The following NCKAP1 variants were observed in gnomAD, a reference collection of about 807,000 sequenced individuals.
NCKAP1 encodes nck-associated protein 1.
A neutral mutation model predicts 151.2 loss-of-function variants in NCKAP1; 21 were observed. The ratio of observed to expected loss-of-function variants is 0.14; its 90% CI spans 0.10 to 0.20. The LOEUF (loss-of-function observed/expected upper bound fraction) is 0.20, where lower values mean the gene tolerates loss of function less well. Ranked by LOEUF, NCKAP1 falls within the 10% of genes least tolerant of loss-of-function variation. The pLI, the probability that NCKAP1 is intolerant of heterozygous loss-of-function variation, is 1.00. For synonymous variants in NCKAP1, 484 were observed against 451.8 expected, an observed-to-expected ratio of 1.07 and a Z score of -0.90; for missense variants, 933 against 1,352.1, an observed-to-expected ratio of 0.69 and a Z score of 4.86.
intron 23 of NCKAP1, among the ~76,000 whole-genome samples, chr2:182,948,955 T>G (rs1471711504): frequency 1.3e-5 from 2 of 152,114 alleles, no homozygotes; most frequent in African/African-American, 4.8e-5. Context: ...AAACAGAGTT[T>G]GTACAGAGGA....
chr2:182,923,135 A>C lies in NCKAP1; in HGVS notation c.*2567T>G, dbSNP rs1246019620. The C allele has an allele frequency of 6.6e-6, 1 of 152,250 alleles. No individual in the cohort carries two copies. Among genetic ancestry groups the C allele is most frequent in the East Asian group, 1.9e-4 (1 of 5,202 alleles). The allele number at this position is 152,250 out of a possible 1,614,324, so 9.4% of individuals were successfully genotyped here. On this transcript the variant is annotated 3_prime_UTR_variant, in exon 31 of 31. Transcript: ENST00000361354. ...AATACTTGCTTAAATAAGTGAATGA[A>C]AAAGCAGCAGAAAGGAAGCAATTTT...
At chr2:182,998,983 G>T in intron 6 of NCKAP1, among the ~76,000 whole-genome samples, 1 of 151,982 alleles carries the variant, frequency 6.6e-6, no homozygotes, top group East Asian at 1.9e-4. Context: ...ACTAGAAAAC[G>T]GTGCTGAAAG....
At chr2:182,953,536 G>A (rs1217000729) in intron 20 of NCKAP1, among the ~76,000 whole-genome samples, 1 of 152,198 alleles carries the variant, frequency 6.6e-6, no homozygotes, top group African/African-American at 2.4e-5. Context: ...GGTGGTTCAC[G>A]CCTATTGTAA....
At chr2:182,932,891 A>G (rs1696794730) in intron 26 of NCKAP1, among the ~76,000 whole-genome samples, 1 of 152,202 alleles carries the variant, frequency 6.6e-6, no homozygotes, top group African/African-American at 2.4e-5. Context: ...GTTTTCAATC[A>G]TAGAATCACA....
At chr2:182,950,673 T>G (rs554713271) in intron 23 of NCKAP1, among the ~76,000 whole-genome samples, 1 of 152,262 alleles carries the variant, frequency 6.6e-6, no homozygotes, top group East Asian at 1.9e-4. Flanking sequence ...AGGATAATGA[T>G]ACAATGAATA....
chr2:183,029,992 AAAATT>A (rs1331393358), intron 1 of NCKAP1, among the ~76,000 whole-genome samples: 6 of 152,218 alleles, frequency 3.9e-5, no homozygotes, highest in Non-Finnish European at 8.8e-5. Flanking sequence ...GAGCTTCTGA[AAAATT>A]AAGTAACTTG....
At chr2:183,028,278 A>C (rs1052677241) in intron 1 of NCKAP1, among the ~76,000 whole-genome samples, 2 of 152,050 alleles carry the variant, frequency 1.3e-5, no homozygotes, top group Admixed American at 1.3e-4. Context: ...GAAAAAACAA[A>C]AACTCCCCCA....
intron 23 of NCKAP1, among the ~76,000 whole-genome samples, chr2:182,948,381 T>G (rs1697148847): frequency 6.6e-6 from 1 of 152,058 alleles, no homozygotes; most frequent in Non-Finnish European, 1.5e-5. Context: ...TAAGGATATT[T>G]AAAAAGTCAA....
In NCKAP1 at chr2:183,002,235, T is replaced by C. The variant is rs772915874; in HGVS notation, c.404A>G (p.Asp135Gly). ...TAGTGTTGTATAGGTTATAATTAAA[T>C]CTAAGTAGTTCTTTGTTAAATCAAA... The part of the protein sequence containing the change: ...VNFDLTKNYL[D>G]LIITYTTLMI... Residue 135 changes from aspartate (D) to glycine (G), a missense_variant, in exon 5 of 31, where the codon GAT becomes GGT. Asp to Gly is a moderately conservative substitution (Grantham distance 94). Around this residue, in one of 2 missense-constraint regions of NCKAP1, gnomAD observed 607 missense variants for 795.0 expected, o/e 0.76. Transcript: ENST00000361354. The C allele has an allele frequency of 6.4e-7, 1 of 1,557,588 alleles. No homozygotes were observed.
intron 18 of NCKAP1, among the ~76,000 whole-genome samples, chr2:182,959,387 C>T (rs569920721): frequency 1.0e-3 from 156 of 152,276 alleles, no homozygotes; most frequent in African/African-American, 3.7e-3. Flanking sequence ...ACTATAAGGA[C>T]TCCCACAAGC....
rs930774758 is a variant in NCKAP1, at chr2:182,913,677, G to A, written c.*12025C>T. On this transcript the variant is annotated 3_prime_UTR_variant, in exon 31 of 31. Transcript: ENST00000361354. ...TCAGCTATAGCAACAAAAAATGAAC[G>A]AAGATAAGGACCTTCTCTGCACAGG... 2 of 152,142 alleles carry A rather than the reference G, an allele frequency of 1.3e-5. No homozygotes were observed. The highest frequency in any genetic ancestry group is 2.4e-5 in the African/African-American group (1 of 41,438). 9.4% of individuals were successfully genotyped at this position (152,142 alleles called of 1,614,324 possible). A position where few individuals can be genotyped will look rare whatever the true frequency, so the allele number is the denominator to read the frequency against.
At chr2:183,010,233 A>C (rs1302527539) in intron 2 of NCKAP1, among the ~76,000 whole-genome samples, 5 of 152,222 alleles carry the variant, frequency 3.3e-5, no homozygotes, top group African/African-American at 1.2e-4. Context: ...AACAGAAAGC[A>C]GCAGAAACAA....
At chr2:182,950,129 A>G (rs545972147) in intron 23 of NCKAP1, among the ~76,000 whole-genome samples, 125 of 152,318 alleles carry the variant, frequency 8.2e-4, no homozygotes, top group African/African-American at 2.8e-3. Context: ...GAAATGACAC[A>G]ACAGCAATCA....
At chr2:182,989,504 T>C (rs1252473006) in intron 8 of NCKAP1, among the ~76,000 whole-genome samples, 1 of 152,178 alleles carries the variant, frequency 6.6e-6, no homozygotes, top group East Asian at 1.9e-4. Flanking sequence ...AAATTTCTAA[T>C]TAACATAATG....
At chr2:182,960,184 C>A (rs1697415714) in intron 18 of NCKAP1, among the ~76,000 whole-genome samples, 3 of 152,156 alleles carry the variant, frequency 2.0e-5, no homozygotes, top group Admixed American at 1.3e-4. Flanking sequence ...TCAATGCCAT[C>A]CCCATCAAGC....
intron 26 of NCKAP1, among the ~76,000 whole-genome samples, chr2:182,933,627 A>T (rs2105802996): frequency 6.6e-6 from 1 of 152,090 alleles, no homozygotes; most frequent in South Asian, 2.1e-4. Flanking sequence ...TCCTGACCTC[A>T]AGTGATCCAC....
rs1206933626 is a variant in NCKAP1, at chr2:182,916,760, T to C, written c.*8942A>G. 3 of 152,248 alleles carry C rather than the reference T, an allele frequency of 2.0e-5. No homozygotes were observed. The highest frequency in any genetic ancestry group is 4.8e-5 in the African/African-American group (2 of 41,472). The allele number at this position is 152,248 out of a possible 1,614,324, so 9.4% of individuals were successfully genotyped here. ...TTGAAAATACAAGCTTTACATCTTA[T>C]ACATTTTTGTGTATAGTATATAAAA... On this transcript the variant is annotated 3_prime_UTR_variant, in exon 31 of 31. Transcript: ENST00000361354.
chr2:182,974,912 T>C (rs528329233), intron 15 of NCKAP1, among the ~76,000 whole-genome samples: 1 of 152,332 alleles, frequency 6.6e-6, no homozygotes, highest in African/African-American at 2.4e-5. Flanking sequence ...CAGGTCTACA[T>C]TCTTCATGTT....
intron 2 of NCKAP1, among the ~76,000 whole-genome samples, chr2:183,017,833 A>G (rs1346994799): frequency 6.6e-6 from 1 of 152,224 alleles, no homozygotes; most frequent in East Asian, 1.9e-4. Flanking sequence ...AAAGTCAAAG[A>G]GGTAAATGTT....
Sources: allele counts gnomAD v4.1 joint callset (sites outside exome capture counted in the v4.1 genomes callset), GRCh38; gene constraint gnomAD v4.1.1; regional missense constraint gnomAD v4.1.1; transcripts MANE v1.5; gene names NCBI Gene and HGNC (gene_info 2026-07-23, HGNC 2026-07-21).